The following PLB1 variants were observed in gnomAD, a reference collection of about 807,000 sequenced individuals.
PLB1 encodes the protein phospholipase B1, membrane-associated.
A neutral mutation model predicts 227.4 loss-of-function variants in PLB1; 242 were observed. The ratio of observed to expected loss-of-function variants is 1.06; its 90% CI spans 0.96 to 1.18. PLB1 has a LOEUF of 1.18. Ranked by LOEUF, PLB1 falls within the 50% of genes most tolerant of loss-of-function variation. The pLI, the probability that PLB1 is intolerant of heterozygous loss-of-function variation, is 0.00. For synonymous variants in PLB1, 757 were observed against 682.2 expected, an observed-to-expected ratio of 1.11 and a Z score of -1.71; for missense variants, 1,858 against 1,816.3, an observed-to-expected ratio of 1.02 and a Z score of -0.42.
At chr2:28,617,076 G>C (rs924010160) in intron 44 of PLB1, among the ~76,000 whole-genome samples, 4 of 152,070 alleles carry the variant, frequency 2.6e-5, no homozygotes, top group African/African-American at 9.7e-5. Flanking sequence ...CCAGCACCTG[G>C]AAAATATGTT....
intron 55 of PLB1, 35 bp downstream of exon 55, chr2:28,632,175 G>C: frequency 6.5e-7 from 1 of 1,533,600 alleles, no homozygotes; most frequent in Middle Eastern, 1.7e-4. Context: ...GCTCACGTAT[G>C]GGGGCCTTAT....
intron 14 of PLB1, among the ~76,000 whole-genome samples, chr2:28,546,291 T>C (rs1483525121): frequency 6.6e-6 from 1 of 152,170 alleles, no homozygotes; most frequent in Non-Finnish European, 1.5e-5. Context: ...AGGGAACTGA[T>C]GTCCCTGGCC....
At chr2:28,545,294 G>A (rs138833806) in intron 14 of PLB1, among the ~76,000 whole-genome samples, 37 of 152,284 alleles carry the variant, frequency 2.4e-4, no homozygotes, top group Non-Finnish European at 4.7e-4. Flanking sequence ...CAGCCAGCAG[G>A]GACATGGGGG....
chr2:28,643,076 C>A lies in PLB1; in HGVS notation c.*15C>A. On this transcript the variant is annotated 3_prime_UTR_variant, in exon 58 of 58. Coordinates refer to ENST00000327757, the MANE Select transcript of PLB1 (RefSeq NM_153021.5). ...TGGCCCTCTAGGCCCGGGGGTGGGT[C>A]CTCACCCTAAACTCCCTATAGCCAC... 1 of 1,578,102 alleles carries A rather than the reference C, an allele frequency of 6.3e-7. No homozygotes were observed. Among genetic ancestry groups the A allele is most frequent in the Non-Finnish European group, 8.6e-7 (1 of 1,161,322 alleles).
At position 28,602,858 on chromosome 2, in the gene PLB1, A is replaced by G. The variant is rs1485363099; in HGVS notation, c.2711A>G (p.Asn904Ser). 1.9e-6 allele frequency: 3 copies of G among 1,614,062 alleles called. No homozygotes were observed. Among genetic ancestry groups the G allele is most frequent in the Non-Finnish European group, 2.5e-6 (3 of 1,179,984 alleles). The change falls in exon 39 of 58, where the codon AAC becomes AGC. Residue 904 changes from asparagine to serine, a missense_variant. By Grantham distance (46) the Asn-to-Ser change is conservative (BLOSUM62 1). Transcript: ENST00000327757. ...CTGGTCAACCTCGTGGACTTCCTGA[A>G]CCCCACTATCATGCGGCAGGTGTTC... is the stretch of plus-strand genomic sequence containing the variant. ...RVLVNLVDFL[N>S]PTIMRQVFLG...
chr2:28,509,156 G>A (rs1667954477), intron 1 of PLB1, among the ~76,000 whole-genome samples: 1 of 152,202 alleles, frequency 6.6e-6, no homozygotes, highest in Admixed American at 6.5e-5. Flanking sequence ...GGAAGGGACA[G>A]GGGCTAGAAA....
At chr2:28,636,041 GTATGTA>G (rs1389740722) in intron 56 of PLB1, among the ~76,000 whole-genome samples, 1 of 85,840 alleles carries the variant, frequency 1.2e-5, no homozygotes, top group Non-Finnish European at 3.0e-5. Context: ...GTGTGTGTGT[GTATGTA>G]TGTGTATGTG....
intron 42 of PLB1, among the ~76,000 whole-genome samples, 159 bp from the exon 43 acceptor site, chr2:28,606,337 C>G (rs1248135598): frequency 6.6e-6 from 1 of 152,230 alleles, no homozygotes; most frequent in African/African-American, 2.4e-5. Context: ...AGCGACTGGC[C>G]CAAAACCCCA....
intron 20 of PLB1, among the ~76,000 whole-genome samples, 175 bp downstream of exon 20, chr2:28,567,014 A>T (rs576020396): frequency 6.7e-6 from 1 of 150,374 alleles, no homozygotes; most frequent in African/African-American, 2.4e-5. Flanking sequence ...GACAGTGACG[A>T]AAGCCTTAGA....
At chr2:28,585,157 C>T (rs1021761144) in intron 25 of PLB1, among the ~76,000 whole-genome samples, 5 of 152,164 alleles carry the variant, frequency 3.3e-5, no homozygotes, top group African/African-American at 2.4e-5. Context: ...TATGCCTCAT[C>T]GGCACAGCAC....
chr2:28,534,802 C>T (rs1671464002), intron 9 of PLB1, among the ~76,000 whole-genome samples: 1 of 151,780 alleles, frequency 6.6e-6, no homozygotes, highest in African/African-American at 2.4e-5. Context: ...TGCAGTGAGC[C>T]AAGATCGCAC....
At chr2:28,581,361 C>G in intron 23 of PLB1, among the ~76,000 whole-genome samples, 1 of 151,200 alleles carries the variant, frequency 6.6e-6, no homozygotes, top group African/African-American at 2.4e-5. Context: ...AGGACAGAGG[C>G]TGCTCAGATT....
Position 28,586,751 on chromosome 2 carries a change from T to C in PLB1, c.1815+909T>C, listed in dbSNP as rs540744691. The stretch of plus-strand genomic sequence containing the variant: ...TATTTTATGTATTTATTTATTTTTA[T>C]ATATTTATCTATTTGAGACAGGGTC... On this transcript the variant is annotated intron_variant, in intron 26 of 57. Coordinates refer to ENST00000327757, the MANE Select transcript of PLB1 (RefSeq NM_153021.5). 3.9e-5 allele frequency among the ~76,000 whole-genome samples: 6 copies of C among 152,262 alleles called. No individual in the cohort carries two copies. In the South Asian group the frequency reaches 1.2e-3, roughly 32 times the overall value.
chr2:28,590,571 C>T (rs1681731962), intron 29 of PLB1, among the ~76,000 whole-genome samples: 1 of 152,112 alleles, frequency 6.6e-6, no homozygotes, highest in Admixed American at 6.5e-5. Flanking sequence ...CATTTTTACT[C>T]ACAAGTTCTC....
At position 28,578,423 on chromosome 2, in the gene PLB1, G is replaced by A. The variant is rs2148264708; in HGVS notation, c.1485+265G>A. ...AGTCCTGTCCTCAAGGAGCTTGGAA[G>A]CGGAGACCAATGTGAAGAATCAAAT... On this transcript the variant is annotated intron_variant, in intron 22 of 57. Transcript: ENST00000327757. Among the ~76,000 whole-genome samples, 3 of 152,346 alleles carry A rather than the reference G, an allele frequency of 2.0e-5. No individual in the cohort carries two copies. In the South Asian group the frequency reaches 6.2e-4, roughly 32 times the overall value.
At chr2:28,560,962 G>A (rs972801336) in intron 17 of PLB1, among the ~76,000 whole-genome samples, 3 of 152,030 alleles carry the variant, frequency 2.0e-5, no homozygotes. Flanking sequence ...CATCCATCAC[G>A]CTTTTCCCTC....
At chr2:28,567,742 G>C (rs1410702681) in intron 20 of PLB1, among the ~76,000 whole-genome samples, 1 of 152,074 alleles carries the variant, frequency 6.6e-6, no homozygotes, top group Non-Finnish European at 1.5e-5. Flanking sequence ...AAAGTGCTGG[G>C]ATTACAGGCG....
At chr2:28,543,032 G>A (rs576204239) in intron 13 of PLB1, among the ~76,000 whole-genome samples, 180 bp from the exon 14 acceptor site, 25 of 152,194 alleles carry the variant, frequency 1.6e-4, no homozygotes, top group Non-Finnish European at 2.8e-4. Flanking sequence ...CTGACCTCAG[G>A]GCCCTGACCC....
Position 28,519,761 on chromosome 2 carries a change from A to C in PLB1, c.241A>C (p.Ile81Leu). 6.2e-7 allele frequency: 1 copy of C among 1,609,464 alleles called. No individual in the cohort carries two copies. The highest frequency in any genetic ancestry group is 1.1e-5 in the South Asian group (1 of 90,938). ...TGTGGCAGCCATTGGCAATCTGGAA[A>C]TTGTGAGTATTTGAAGTAGCTTGGG... ...KFVAAIGNLE[I>L]PPDPGTGDLE... The change falls in exon 4 of 58, where the codon ATT becomes CTT. Residue 81 changes from isoleucine (I) to leucine (L), a missense_variant and splice_region_variant. Ile to Leu is a conservative substitution (Grantham distance 5). Coordinates refer to ENST00000327757, the MANE Select transcript of PLB1 (RefSeq NM_153021.5).
Sources: allele counts gnomAD v4.1 joint callset (sites outside exome capture counted in the v4.1 genomes callset), GRCh38; gene constraint gnomAD v4.1.1; transcripts MANE v1.5; gene names NCBI Gene and HGNC (gene_info 2026-07-23, HGNC 2026-07-21).